Variants in NARS2 observed in about 807,000 individuals in gnomAD.
NARS2 encodes asparaginyl-tRNA synthetase 2, mitochondrial, also known as asparaginyl-tRNA synthetase.
Under a neutral mutation model 62.9 loss-of-function variants are expected in NARS2, and 60 were observed. The ratio of observed to expected loss-of-function variants is 0.95; its 90% CI spans 0.77 to 1.18. The LOEUF (loss-of-function observed/expected upper bound fraction) is 1.18, where lower values mean the gene tolerates loss of function less well. Ranked by LOEUF, NARS2 falls within the 50% of genes most tolerant of loss-of-function variation. NARS2 has a pLI of 0.00. For missense variants in NARS2, 619 were observed against 576.4 expected, an observed-to-expected ratio of 1.07 and a Z score of -0.76; for synonymous variants, 196 against 200.0, an observed-to-expected ratio of 0.98 and a Z score of 0.17.
intron 5 of NARS2, among the ~76,000 whole-genome samples, chr11:78,554,216 CTCTTGGCTATCTGGGCTA>C (rs1473751208): frequency 1.2e-4 from 18 of 152,062 alleles, no homozygotes; most frequent in Non-Finnish European, 2.2e-4. Flanking sequence ...GCTATCTGGG[CTCTTGGCTATCTGGGCTA>C]TCTTGGCTAT....
chr11:78,536,697 A>G (rs1389811288), intron 5 of NARS2, among the ~76,000 whole-genome samples: 2 of 152,192 alleles, frequency 1.3e-5, no homozygotes, highest in African/African-American at 4.8e-5. Context: ...CGCTAAGATA[A>G]TCTAGTATTA....
chr11:78,502,903 A>C (rs1860334579), intron 6 of NARS2, among the ~76,000 whole-genome samples: 4 of 149,930 alleles, frequency 2.7e-5, no homozygotes, highest in Admixed American at 2.7e-4. Context: ...CTGAGGCACA[A>C]GAATTGCTTG....
intron 6 of NARS2, among the ~76,000 whole-genome samples, chr11:78,504,047 A>G (rs1001234591): frequency 1.3e-5 from 2 of 152,240 alleles, no homozygotes; most frequent in Admixed American, 6.5e-5. Flanking sequence ...GCTATATAGG[A>G]AATACCAGTA....
intron 5 of NARS2, among the ~76,000 whole-genome samples, chr11:78,554,681 T>C (rs1469161532): frequency 2.0e-5 from 3 of 152,224 alleles, no homozygotes; most frequent in Admixed American, 6.5e-5. Context: ...GCTGAGGCTA[T>C]GGCATTCTCT....
chr11:78,455,483 TAA>T (rs1427615589), intron 11 of NARS2, among the ~76,000 whole-genome samples: 2 of 152,088 alleles, frequency 1.3e-5, no homozygotes, highest in African/African-American at 2.4e-5. Context: ...TACGGATCAA[TAA>T]ACTGAACAAT....
At chr11:78,459,004 G>C (rs1286213989) in intron 11 of NARS2, among the ~76,000 whole-genome samples, 1 of 151,150 alleles carries the variant, frequency 6.6e-6, no homozygotes, top group East Asian at 1.9e-4. Context: ...CTGCAACTCT[G>C]CCTACTGGGT....
intron 5 of NARS2, among the ~76,000 whole-genome samples, chr11:78,559,279 GCC>G (rs1856475519): frequency 9.3e-6 from 1 of 107,014 alleles, no homozygotes; most frequent in African/African-American, 3.6e-5. Context: ...CTCCAGCCTG[GCC>G]ACAGAGTGAG....
chr11:78,504,663 C>G (rs956763731), intron 6 of NARS2, among the ~76,000 whole-genome samples: 4 of 152,120 alleles, frequency 2.6e-5, no homozygotes, highest in Admixed American at 2.6e-4. Context: ...AAAACACATA[C>G]AAACACACAT....
chr11:78,464,216 G>A (rs1410445821), intron 11 of NARS2, among the ~76,000 whole-genome samples: 1 of 151,940 alleles, frequency 6.6e-6, no homozygotes, highest in Admixed American at 6.6e-5. Flanking sequence ...TCGTGGGCTC[G>A]CTGGCTTCAG....
At chr11:78,484,654 T>C (rs183980700) in intron 7 of NARS2, among the ~76,000 whole-genome samples, 91 of 152,244 alleles carry the variant, frequency 6.0e-4, no homozygotes, top group Middle Eastern at 6.8e-3. Context: ...CACTGGTCAT[T>C]AGAAAAATGC....
intron 5 of NARS2, among the ~76,000 whole-genome samples, chr11:78,544,080 G>A (rs578172360): frequency 6.7e-6 from 1 of 149,768 alleles, no homozygotes; most frequent in African/African-American, 2.5e-5. Context: ...ATTTGAGGAT[G>A]TACAATTTCA....
chr11:78,538,738 G>A (rs1855477639), intron 5 of NARS2, among the ~76,000 whole-genome samples: 1 of 152,032 alleles, frequency 6.6e-6, no homozygotes, highest in Non-Finnish European at 1.5e-5. Flanking sequence ...GCTCACGCCT[G>A]TAATCCCAGC....
At chr11:78,533,198 G>A (rs1861543718) in intron 5 of NARS2, 1 of 152,082 alleles carries the variant, frequency 6.6e-6, no homozygotes, top group South Asian at 2.1e-4. Flanking sequence ...AGAAGCCCTT[G>A]GTCAGACTAC....
chr11:78,527,342 A>T (rs1475698879), intron 6 of NARS2, among the ~76,000 whole-genome samples: 5 of 152,172 alleles, frequency 3.3e-5, no homozygotes, highest in South Asian at 4.1e-4. Context: ...TAATTTTTTT[A>T]AATTATAATT....
chr11:78,565,693 A>T (rs1318866438), intron 4 of NARS2, among the ~76,000 whole-genome samples: 1 of 152,158 alleles, frequency 6.6e-6, no homozygotes, highest in Admixed American at 6.5e-5. Context: ...GAACCATCTA[A>T]AAAGATTAGA....
intron 7 of NARS2, among the ~76,000 whole-genome samples, chr11:78,479,522 A>G (rs1859257909): frequency 6.6e-6 from 1 of 152,168 alleles, no homozygotes; most frequent in Admixed American, 6.5e-5. Flanking sequence ...AAAACAACAA[A>G]AAAAAGTATT....
chr11:78,440,886 A>C (rs1357136391), intron 13 of NARS2, among the ~76,000 whole-genome samples: 1 of 152,194 alleles, frequency 6.6e-6, no homozygotes, highest in Non-Finnish European at 1.5e-5. Flanking sequence ...GCAGTAAGTA[A>C]ATGAGAGCTA....
chr11:78,544,571 T>C (rs988551954), intron 5 of NARS2, among the ~76,000 whole-genome samples: 1 of 152,056 alleles, frequency 6.6e-6, no homozygotes, highest in African/African-American at 2.4e-5. Flanking sequence ...GGCAGGCAGA[T>C]CACTTGAGGT....
chr11:78,446,414 C>T (rs1857762384), intron 11 of NARS2, among the ~76,000 whole-genome samples: 1 of 152,208 alleles, frequency 6.6e-6, no homozygotes, highest in African/African-American at 2.4e-5. Flanking sequence ...GTTATCCCTT[C>T]TGTCCTCAGA....
Sources: allele counts gnomAD v4.1 joint callset (sites outside exome capture counted in the v4.1 genomes callset), GRCh38; gene constraint gnomAD v4.1.1; transcripts MANE v1.5; gene names NCBI Gene and HGNC (gene_info 2026-07-23, HGNC 2026-07-21).